The following NOX3 variants were observed in gnomAD, a reference collection of about 807,000 sequenced individuals.
NOX3 encodes the protein NADPH oxidase 3, also known as NADPH oxidase catalytic subunit-like 3.
NOX3 carries 74 observed loss-of-function variants against 76.7 expected under a neutral mutation model. The ratio of observed to expected loss-of-function variants is 0.96; its 90% CI spans 0.80 to 1.17. The LOEUF (loss-of-function observed/expected upper bound fraction) is 1.17. Ranked by LOEUF, NOX3 falls within the 50% of genes most tolerant of loss-of-function variation. NOX3 has a pLI of 0.00. For synonymous variants in NOX3, 263 were observed against 261.1 expected (o/e 1.01, Z -0.07); for missense variants, 695 against 703.3 (o/e 0.99, Z 0.13).
At chr6:155,407,086 C>T (rs747832396) in intron 12 of NOX3, 44 bp downstream of exon 12, 1 of 1,612,166 alleles carries the variant, frequency 6.2e-7, no homozygotes, top group Admixed American at 1.7e-5. Flanking sequence ...TTGCATTTCT[C>T]CAGAGAAGAG....
At chr6:155,403,743 A>T (rs1475141121) in intron 12 of NOX3, among the ~76,000 whole-genome samples, 1 of 152,176 alleles carries the variant, frequency 6.6e-6, no homozygotes, top group Non-Finnish European at 1.5e-5. Flanking sequence ...GGACAGGCCC[A>T]CTTCTCAGCA....
chr6:155,421,912 G>A (rs966861710), intron 10 of NOX3, among the ~76,000 whole-genome samples: 1 of 152,236 alleles, frequency 6.6e-6, no homozygotes, highest in Non-Finnish European at 1.5e-5. Context: ...TCAGGTGACA[G>A]ATGTCCCATG....
intron 8 of NOX3, among the ~76,000 whole-genome samples, chr6:155,429,604 G>A (rs894994436): frequency 2.0e-5 from 3 of 152,032 alleles, no homozygotes; most frequent in Admixed American, 6.6e-5. Flanking sequence ...TCCTGACTCC[G>A]CTCTGAGTTT....
intron 12 of NOX3, among the ~76,000 whole-genome samples, chr6:155,401,743 C>G (rs1779229683): frequency 7.0e-6 from 1 of 142,744 alleles, no homozygotes; most frequent in African/African-American, 2.6e-5. Flanking sequence ...TAGTACTCTT[C>G]TATTTTTTTT....
Position 155,451,921 on chromosome 6 carries a change from C to T in NOX3, c.340+1483G>A, listed in dbSNP as rs111875928. Among the ~76,000 whole-genome samples the T allele has an allele frequency of 4.6e-3, 703 of 152,290 alleles. 4 individuals carry two copies. Among genetic ancestry groups the T allele is most frequent in the African/African-American group, 0.014 (597 of 41,578 alleles). ...GGGATTATAGGCGTAAACCACCATGCCCGGCCTCTTTTCTGATGTCTTTTG... is the reference window on the plus strand; with the variant it reads ...GGGATTATAGGCGTAAACCACCATGTCCGGCCTCTTTTCTGATGTCTTTTG... On this transcript the variant is annotated intron_variant, in intron 4 of 13. Transcript: ENST00000159060.
chr6:155,445,997 A>AAT (rs1554264833), intron 4 of NOX3, among the ~76,000 whole-genome samples: 10 of 65,556 alleles, frequency 1.5e-4, no homozygotes, highest in African/African-American at 4.4e-4. Flanking sequence ...ATATATATAT[A>AAT]ATATATATAT....
intron 9 of NOX3, among the ~76,000 whole-genome samples, 184 bp downstream of exon 9, chr6:155,428,610 G>A (rs1171048680): frequency 2.7e-5 from 4 of 146,202 alleles, no homozygotes; most frequent in Non-Finnish European, 6.0e-5. Context: ...TTTTTTACAG[G>A]AACAGATGTG....
intron 7 of NOX3, among the ~76,000 whole-genome samples, chr6:155,431,431 C>CACACACACACAT (rs1339167071): frequency 2.0e-5 from 3 of 151,768 alleles, no homozygotes; most frequent in Non-Finnish European, 4.4e-5. Context: ...CACACACACA[C>CACACACACACAT]ACACACACAC....
intron 10 of NOX3, among the ~76,000 whole-genome samples, chr6:155,412,887 A>G (rs542066199): frequency 6.6e-6 from 1 of 152,338 alleles, no homozygotes; most frequent in African/African-American, 2.4e-5. Context: ...TTTGCATCTT[A>G]GAGGGAGAAG....
intron 9 of NOX3, 151 bp downstream of exon 9, chr6:155,428,643 T>C (rs1451744998): frequency 2.0e-5 from 12 of 610,718 alleles, no homozygotes; most frequent in Non-Finnish European, 2.9e-5. Context: ...GTCTACAAAA[T>C]TATACTTTTT....
intron 4 of NOX3, among the ~76,000 whole-genome samples, chr6:155,446,509 C>G (rs1035818697): frequency 6.6e-6 from 1 of 152,116 alleles, no homozygotes; most frequent in Non-Finnish European, 1.5e-5. Context: ...ATTCGACAGA[C>G]CAGTATTCAA....
intron 12 of NOX3, among the ~76,000 whole-genome samples, chr6:155,403,031 A>G (rs936530480): frequency 2.0e-5 from 3 of 152,236 alleles, no homozygotes; most frequent in South Asian, 2.1e-4. Flanking sequence ...TATCTCTTTA[A>G]TAACCATCCC....
intron 4 of NOX3, among the ~76,000 whole-genome samples, chr6:155,445,893 ATATATATTATATATATGC>A (rs1689301171): frequency 7.8e-6 from 1 of 128,874 alleles, no homozygotes; most frequent in South Asian, 2.7e-4. Flanking sequence ...TATGCTATAT[ATATATATTATATATATGC>A]TATAGATATA....
chr6:155,445,156 A>T (rs1777044908), intron 4 of NOX3, among the ~76,000 whole-genome samples: 2 of 151,828 alleles, frequency 1.3e-5, no homozygotes, highest in Admixed American at 1.3e-4. Context: ...TGCAAATGAA[A>T]CTCCCGCTGG....
intron 4 of NOX3, among the ~76,000 whole-genome samples, chr6:155,445,369 G>A (rs1777047229): frequency 6.6e-6 from 1 of 152,162 alleles, no homozygotes; most frequent in Non-Finnish European, 1.5e-5. Context: ...TGTGGGTTGA[G>A]GTGTGGAAGA....
At chr6:155,399,253 T>A (rs1291235528) in intron 12 of NOX3, among the ~76,000 whole-genome samples, 1 of 152,162 alleles carries the variant, frequency 6.6e-6, no homozygotes, top group African/African-American at 2.4e-5. Context: ...ACTGGCCCAC[T>A]CCAATGGGCT....
intron 11 of NOX3, among the ~76,000 whole-genome samples, chr6:155,409,283 G>A (rs1322858871): frequency 6.6e-6 from 1 of 152,122 alleles, no homozygotes; most frequent in Non-Finnish European, 1.5e-5. Flanking sequence ...AGCCATGGAC[G>A]TGTGACTGTG....
chr6:155,439,820 C>T, intron 6 of NOX3, 136 bp downstream of exon 6: 2 of 594,564 alleles, frequency 3.4e-6, no homozygotes, highest in Non-Finnish European at 5.3e-6. Flanking sequence ...GCGTTTGCCA[C>T]AGTCAATGTG....
At position 155,430,103 on chromosome 6, in the gene NOX3, A is replaced by T. The variant is rs17086292; in HGVS notation, c.891+740T>A. On this transcript the variant is annotated intron_variant, in intron 8 of 13. Coordinates refer to ENST00000159060, the MANE Select transcript of NOX3 (RefSeq NM_015718.3). Reference sequence around the variant, plus strand: ...AGATACAGGATTCTGTTAAAATTGTATTAGCAAAGTGGGATAGGCTTGGCT... The same window carrying T: ...AGATACAGGATTCTGTTAAAATTGTTTTAGCAAAGTGGGATAGGCTTGGCT... Among the ~76,000 whole-genome samples the T allele has an allele frequency of 8.7e-3, 1,326 of 152,294 alleles. 15 individuals carry two copies. The highest frequency in any genetic ancestry group is 0.03 in the African/African-American group (1,237 of 41,568).
Sources: allele counts gnomAD v4.1 joint callset (sites outside exome capture counted in the v4.1 genomes callset), GRCh38; gene constraint gnomAD v4.1.1; transcripts MANE v1.5; gene names NCBI Gene and HGNC (gene_info 2026-07-23, HGNC 2026-07-21).